The following PTPRN2 variants were observed in gnomAD, a reference collection of about 807,000 sequenced individuals.
PTPRN2 encodes receptor-type tyrosine-protein phosphatase N2.
A neutral mutation model predicts 118.8 loss-of-function variants in PTPRN2; 74 were observed. That is an observed-to-expected ratio of 0.62 (90% CI 0.52 to 0.76). The LOEUF is 0.76. Ranked by LOEUF, PTPRN2 falls within the 30% of genes least tolerant of loss-of-function variation. The probability of loss-of-function intolerance (pLI) is 0.00; values close to 1 mark genes in which losing one functional copy is unlikely to be tolerated. For missense variants in PTPRN2, 1,481 were observed against 1,394.4 expected, an observed-to-expected ratio of 1.06 and a Z score of -0.99; for synonymous variants, 641 against 608.0, an observed-to-expected ratio of 1.05 and a Z score of -0.80.
At chr7:158,071,086 CGTG>C (rs1403216006) in intron 11 of PTPRN2, among the ~76,000 whole-genome samples, 5 of 51,188 alleles carry the variant, frequency 9.8e-5, no homozygotes, top group Non-Finnish European at 1.7e-4. Context: ...TGGAGGTGCC[CGTG>C]GTGGTGGAGG....
intron 11 of PTPRN2, among the ~76,000 whole-genome samples, chr7:158,001,307 C>G (rs1459420435): frequency 6.7e-6 from 1 of 150,068 alleles, no homozygotes; most frequent in African/African-American, 2.5e-5. Context: ...TCCCACAGGC[C>G]TGCTCTTGGC....
chr7:158,371,601 G>T (rs980213099), intron 2 of PTPRN2, among the ~76,000 whole-genome samples: 3 of 152,076 alleles, frequency 2.0e-5, no homozygotes, highest in Non-Finnish European at 4.4e-5. Flanking sequence ...GCTTGAGAGA[G>T]GAACTTTATG....
chr7:158,288,409 C>T (rs1799895625), intron 3 of PTPRN2, among the ~76,000 whole-genome samples: 1 of 152,136 alleles, frequency 6.6e-6, no homozygotes, highest in African/African-American at 2.4e-5. Context: ...GTGATTTTCT[C>T]TAGTGATATG....
chr7:157,555,481 C>T (rs1041488172), intron 21 of PTPRN2, among the ~76,000 whole-genome samples: 31 of 152,204 alleles, frequency 2.0e-4, no homozygotes, highest in African/African-American at 7.2e-4. Context: ...CTGTGTGATT[C>T]AGCTCATGGC....
intron 12 of PTPRN2, among the ~76,000 whole-genome samples, chr7:157,697,651 A>G (rs1239557448): frequency 3.8e-5 from 5 of 132,230 alleles, no homozygotes; most frequent in Non-Finnish European, 7.9e-5. Context: ...TGCATACTGG[A>G]TCTCGGCAGA....
intron 21 of PTPRN2, among the ~76,000 whole-genome samples, chr7:157,564,407 C>A (rs1185903919): frequency 6.6e-6 from 1 of 152,132 alleles, no homozygotes; most frequent in Non-Finnish European, 1.5e-5. Context: ...GTGTGAGTCA[C>A]AAGAAAAATA....
At chr7:158,537,035 C>A (rs776717713) in intron 1 of PTPRN2, among the ~76,000 whole-genome samples, 6 of 152,100 alleles carry the variant, frequency 3.9e-5, no homozygotes, top group Non-Finnish European at 7.4e-5. Flanking sequence ...GGATTAGTGC[C>A]CTTATAGGAA....
intron 12 of PTPRN2, among the ~76,000 whole-genome samples, chr7:157,703,462 A>ACGAGGACC (rs1405570547): frequency 6.6e-6 from 1 of 152,194 alleles, no homozygotes; most frequent in Non-Finnish European, 1.5e-5. Context: ...GCTGGTCCAC[A>ACGAGGACC]CCAGGACCCC....
chr7:158,237,984 T>C (rs1795641969), intron 3 of PTPRN2, among the ~76,000 whole-genome samples: 1 of 152,192 alleles, frequency 6.6e-6, no homozygotes, highest in South Asian at 2.1e-4. Context: ...GTGATTTCTG[T>C]GGCCACACCT....
intron 2 of PTPRN2, among the ~76,000 whole-genome samples, chr7:158,359,302 C>T (rs1432158267): frequency 1.3e-5 from 2 of 152,206 alleles, no homozygotes; most frequent in Non-Finnish European, 2.9e-5. Flanking sequence ...AGACCTCAAG[C>T]ACGAAATGAA....
At chr7:158,263,251 C>G (rs1338673197) in intron 3 of PTPRN2, among the ~76,000 whole-genome samples, 1 of 152,232 alleles carries the variant, frequency 6.6e-6, no homozygotes, top group Non-Finnish European at 1.5e-5. Flanking sequence ...CATGCATTTA[C>G]ACACTTGTGC....
intron 12 of PTPRN2, among the ~76,000 whole-genome samples, chr7:157,727,289 C>T (rs1799654700): frequency 6.6e-6 from 1 of 152,216 alleles, no homozygotes; most frequent in South Asian, 2.1e-4. Flanking sequence ...ACAGATGTCA[C>T]CAGCCCTAAG....
chr7:158,330,424 A>C (rs112898498), intron 2 of PTPRN2, among the ~76,000 whole-genome samples: 713 of 11,976 alleles, frequency 0.06, no homozygotes, highest in African/African-American at 0.089. Context: ...CACTCACACC[A>C]ACACTCTCAC....
chr7:157,920,852 G>C (rs1179543116), intron 11 of PTPRN2, among the ~76,000 whole-genome samples: 1 of 152,144 alleles, frequency 6.6e-6, no homozygotes, highest in African/African-American at 2.4e-5. Context: ...TGGGTTTGGT[G>C]ATGACTTTTT....
intron 3 of PTPRN2, among the ~76,000 whole-genome samples, chr7:158,311,987 CCACA>C (rs1163185439): frequency 7.1e-5 from 10 of 140,570 alleles, no homozygotes; most frequent in African/African-American, 2.7e-4. Flanking sequence ...ATGTAGACAC[CCACA>C]CACATGCACA....
chr7:157,576,561 C>T lies in PTPRN2; in HGVS notation c.2783+52G>A, dbSNP rs899693641. On this transcript the variant is annotated intron_variant, in intron 19 of 22. Coordinates refer to ENST00000389418, the MANE Select transcript of PTPRN2 (RefSeq NM_002847.5). ...TCAGGAGCACCGAAGCCTCGCTCCC[C>T]TGTGCCGCGCGCTCAGCGCGCACTG... 47 of 1,522,546 alleles carry T rather than the reference C, an allele frequency of 3.1e-5. No homozygotes were observed. The Admixed American group carries it at 7.1e-4, about 23-fold the overall frequency. The allele number at this position is 1,522,546 out of a possible 1,614,324, so 94.3% of individuals were successfully genotyped here.
intron 3 of PTPRN2, among the ~76,000 whole-genome samples, chr7:158,259,062 G>A (rs975032544): frequency 6.6e-6 from 1 of 152,164 alleles, no homozygotes; most frequent in Non-Finnish European, 1.5e-5. Flanking sequence ...GAAACCCCTT[G>A]TGCATGTCCC....
intron 1 of PTPRN2, among the ~76,000 whole-genome samples, chr7:158,581,706 C>T (rs1016281836): frequency 3.9e-5 from 6 of 152,106 alleles, no homozygotes; most frequent in African/African-American, 1.4e-4. Context: ...TTAGAGGGAA[C>T]AGACAAAAAC....
chr7:158,467,961 T>C (rs1819510940), intron 2 of PTPRN2, among the ~76,000 whole-genome samples: 1 of 152,168 alleles, frequency 6.6e-6, no homozygotes, highest in African/African-American at 2.4e-5. Context: ...CTGTGCTACT[T>C]TACAGTAGCT....
Sources: allele counts gnomAD v4.1 joint callset (sites outside exome capture counted in the v4.1 genomes callset), GRCh38; gene constraint gnomAD v4.1.1; transcripts MANE v1.5; gene names NCBI Gene and HGNC (gene_info 2026-07-23, HGNC 2026-07-21).